Variants in ABCA8 observed in about 807,000 individuals in gnomAD.
ABCA8 encodes the protein ABC-type organic anion transporter ABCA8.
In ABCA8, 177 loss-of-function variants were observed where a neutral mutation model predicts 192.3. The observed-to-expected ratio is 0.92, with a 90% CI of 0.81 to 1.04. ABCA8 has a LOEUF of 1.04. Among genes scored for constraint, ABCA8 ranks in the 50% least tolerant of loss-of-function variants. The pLI is 0.00. For missense variants in ABCA8, 1,915 were observed against 1,904.8 expected, an observed-to-expected ratio of 1.01 and a Z score of -0.10; for synonymous variants, 642 against 690.2, an observed-to-expected ratio of 0.93 and a Z score of 1.09.
chr17:68,922,910 T>C (rs1018434910), intron 11 of ABCA8, among the ~76,000 whole-genome samples: 12 of 152,124 alleles, frequency 7.9e-5, no homozygotes, highest in African/African-American at 2.9e-4. Flanking sequence ...TTTGCAGGGC[T>C]TTAGGGCTGT....
At position 68,922,554 on chromosome 17, in the gene ABCA8, G is replaced by T. The variant is rs539151293; in HGVS notation, c.1443-254C>A. On this transcript the variant is annotated intron_variant, in intron 11 of 39. Coordinates refer to ENST00000586539, the MANE Select transcript of ABCA8 (RefSeq NM_001288985.2). ...CTGTGATTGGGACCCATAAGCAAAG[G>T]TTCCATAGATTGGGGTATAAGCTAA... 3.9e-5 allele frequency among the ~76,000 whole-genome samples: 6 copies of T among 152,062 alleles called. No individual in the cohort carries two copies. In the South Asian group the frequency reaches 1.3e-3, roughly 32 times the overall value.
chr17:68,921,927 T>A (rs933734570), intron 12 of ABCA8, among the ~76,000 whole-genome samples: 1 of 152,024 alleles, frequency 6.6e-6, no homozygotes, highest in Non-Finnish European at 1.5e-5. Context: ...GACAAAAAAC[T>A]TGAGTTTGTA....
intron 1 of ABCA8, among the ~76,000 whole-genome samples, chr17:68,952,429 C>T (rs193221694): frequency 1.1e-4 from 16 of 152,160 alleles, no homozygotes; most frequent in African/African-American, 3.1e-4. Context: ...CTTGTTAGCT[C>T]GGATGGTCTC....
chr17:68,941,109 A>T (rs73998580), intron 3 of ABCA8, 147 bp from the exon 4 acceptor site: 1 of 642,030 alleles, frequency 1.6e-6, no homozygotes, highest in Non-Finnish European at 2.6e-6. Flanking sequence ...CTGAAAGTCA[A>T]TGTGTTTTAA....
chr17:68,902,965 A>T, intron 20 of ABCA8, 86 bp from the exon 21 acceptor site: 1 of 1,178,976 alleles, frequency 8.5e-7, no homozygotes, highest in Non-Finnish European at 1.2e-6. Context: ...AATGGGATAA[A>T]GAAATTATAA....
chr17:68,944,809 G>C (rs549773160), intron 2 of ABCA8: 1 of 152,282 alleles, frequency 6.6e-6, no homozygotes, highest in Admixed American at 6.5e-5. Context: ...GCTGAGATTT[G>C]CAACAAGGAC....
In ABCA8 at chr17:68,887,913, TA is replaced by T. The variant is rs55830109; in HGVS notation, c.3145-408del. Among the ~76,000 whole-genome samples, 57 of 60,348 alleles carry T rather than the reference TA, an allele frequency of 9.4e-4. 1 individual carries two copies. Among genetic ancestry groups the T allele is most frequent in the South Asian group, 1.3e-3 (2 of 1,504 alleles). 39.6% of individuals were successfully genotyped at this position (60,348 alleles called of 152,430 possible). Reference sequence around the variant, plus strand: ...ATATATATATATATATATATCCATATATATATATATATTATATATGGATATA... The same window carrying T: ...ATATATATATATATATATATCCATATTATATATATATTATATATGGATATA... On this transcript the variant is annotated intron_variant, in intron 24 of 39. Coordinates refer to ENST00000586539, the MANE Select transcript of ABCA8 (RefSeq NM_001288985.2).
chr17:68,954,296 G>A (rs894422883), intron 1 of ABCA8, among the ~76,000 whole-genome samples: 3 of 149,852 alleles, frequency 2.0e-5, no homozygotes, highest in Non-Finnish European at 2.9e-5. Flanking sequence ...ATTCACTGGC[G>A]AAGTTAATAG....
rs1555607449 is a variant in ABCA8 at position 68,887,925 on chromosome 17, T to TTATATATGGATA, written c.3145-431_3145-420dup. Reference sequence around the variant, plus strand: ...ATATATATCCATATATATATATATATTATATATGGATATATATATTATATA... The same window carrying TTATATATGGATA: ...ATATATATCCATATATATATATATATTATATATGGATATATATATGGATATATATATTATATA... On this transcript the variant is annotated intron_variant, in intron 24 of 39. Transcript: ENST00000586539. 1.2e-3 allele frequency among the ~76,000 whole-genome samples: 118 copies of TTATATATGGATA among 100,918 alleles called. 3 individuals carry two copies. The highest frequency in any genetic ancestry group is 4.2e-3 in the East Asian group (13 of 3,080). The allele number at this position is 100,918 out of a possible 152,430, so 66.2% of individuals were successfully genotyped here. A position where few individuals can be genotyped will look rare whatever the true frequency, so the allele number is the denominator to read the frequency against.
At chr17:68,922,135 A>C (rs2067548651) in intron 12 of ABCA8, 107 bp downstream of exon 12, 1 of 816,558 alleles carries the variant, frequency 1.2e-6, no homozygotes, top group Non-Finnish European at 1.7e-6. Context: ...ACCGAAAGCA[A>C]AACTGAATTA....
At position 68,902,828 on chromosome 17, in the gene ABCA8, CATGGT is replaced by C. The variant is rs1259362457; in HGVS notation, c.2644_2648del (p.Thr882GlyfsTer27). On this transcript the variant is annotated frameshift_variant, in exon 21 of 40. Transcript: ENST00000586539. LOFTEE classifies it high-confidence loss of function. ...TGTAACTGTTTTGATATATTTTCACCATGGTATACTCCACAAGAAGAGGGCAAAAT... is the reference window on the plus strand; with the variant it reads ...TGTAACTGTTTTGATATATTTTCACCATACTCCACAAGAAGAGGGCAAAAT... The C allele has an allele frequency of 6.2e-7, 1 of 1,613,788 alleles. No individual in the cohort carries two copies. The highest frequency in any genetic ancestry group is 1.7e-5 in the Admixed American group (1 of 60,010).
chr17:68,914,986 A>G lies in ABCA8; in HGVS notation c.2138+2375T>C, dbSNP rs147505530. Among the ~76,000 whole-genome samples the G allele has an allele frequency of 3.6e-3, 541 of 152,264 alleles. 8 individuals are homozygous for G. The highest frequency in any genetic ancestry group is 0.012 in the African/African-American group (509 of 41,578). On this transcript the variant is annotated intron_variant, in intron 17 of 39. Coordinates refer to ENST00000586539, the MANE Select transcript of ABCA8 (RefSeq NM_001288985.2). The stretch of plus-strand genomic sequence containing the variant: ...GAATAGAGAATGCAGAAATAAATCC[A>G]TACATCTACAGTAAACTCATTTTCA...
intron 22 of ABCA8, 200 bp downstream of exon 22, chr17:68,894,680 A>G: frequency 1.7e-6 from 1 of 584,422 alleles, no homozygotes; most frequent in East Asian, 2.9e-5. Flanking sequence ...GGTATTCTAT[A>G]GTATGTATTT....
intron 37 of ABCA8, among the ~76,000 whole-genome samples, chr17:68,871,077 G>A (rs1310907644): frequency 1.3e-5 from 2 of 152,042 alleles, no homozygotes; most frequent in Non-Finnish European, 1.5e-5. Context: ...CACAGACTGG[G>A]CAATTTATAA....
intron 21 of ABCA8, among the ~76,000 whole-genome samples, chr17:68,900,741 C>T (rs1348931226): frequency 6.6e-6 from 1 of 151,842 alleles, no homozygotes; most frequent in Non-Finnish European, 1.5e-5. Flanking sequence ...ACACCATGAC[C>T]AAGTATGATT....
rs548266603 is a variant in ABCA8 at position 68,881,340 on chromosome 17, G to T, written c.3947-129C>A. The T allele has an allele frequency of 1.1e-4, 77 of 680,584 alleles. 1 individual carries two copies. The highest frequency in any genetic ancestry group is 7.5e-5 in the Non-Finnish European group (30 of 400,704). The allele number at this position is 680,584 out of a possible 1,614,324, so 42.2% of individuals were successfully genotyped here. On this transcript the variant is annotated intron_variant, in intron 31 of 39. Transcript: ENST00000586539. ...CATTTAATTGTCACAACCACCCTGA[G>T]AAGTTGTTATTTTAGCCCCTTCTTA...
rs1382015380 is a variant in ABCA8 at position 68,894,912 on chromosome 17, T to G, written c.2866A>C (p.Asn956His). Reference sequence around the variant, plus strand: ...TTACAACACACTGTGATGGCTCCATTATAAGATGGGTCATCTGTGCCATTT... The same window carrying G: ...TTACAACACACTGTGATGGCTCCATGATAAGATGGGTCATCTGTGCCATTT... Reference protein sequence around the residue: ...TRNGTDDPSYNGAITVCCNEK... With the variant: ...TRNGTDDPSYHGAITVCCNEK... The change falls in exon 22 of 40, where the codon AAT becomes CAT. Residue 956 changes from asparagine (N) to histidine (H), a missense_variant. Coordinates refer to ENST00000586539, the MANE Select transcript of ABCA8 (RefSeq NM_001288985.2). 3 of 1,613,570 alleles carry G rather than the reference T, an allele frequency of 1.9e-6. No homozygotes were observed. In the African/African-American group the frequency reaches 4.0e-5, roughly 22 times the overall value.
At chr17:68,901,347 G>A (rs575115157) in intron 21 of ABCA8, among the ~76,000 whole-genome samples, 2 of 152,166 alleles carry the variant, frequency 1.3e-5, no homozygotes, top group Non-Finnish European at 2.9e-5. Context: ...CAAAGAAGGT[G>A]TACAATTGAC....
intron 10 of ABCA8, 152 bp from the exon 11 acceptor site, chr17:68,925,021 A>C: frequency 3.2e-6 from 2 of 617,828 alleles, no homozygotes; most frequent in Non-Finnish European, 5.3e-6. Flanking sequence ...ATGTAGCTTC[A>C]TAAGGAAAAA....
Sources: allele counts gnomAD v4.1 joint callset (sites outside exome capture counted in the v4.1 genomes callset), GRCh38; gene constraint gnomAD v4.1.1; transcripts MANE v1.5; gene names NCBI Gene and HGNC (gene_info 2026-07-23, HGNC 2026-07-21).